Variants in TRHDE observed in about 807,000 individuals in gnomAD.
The protein encoded by TRHDE is thyrotropin-releasing hormone-degrading ectoenzyme.
Under a neutral mutation model 125.7 loss-of-function variants are expected in TRHDE, and 72 were observed. That is an observed-to-expected ratio of 0.57 (90% CI 0.47 to 0.70). The LOEUF (loss-of-function observed/expected upper bound fraction) is 0.70, where lower values mean the gene tolerates loss of function less well. Among genes scored for constraint, TRHDE ranks in the 30% least tolerant of loss-of-function variants. The pLI is 0.00. For missense variants in TRHDE, 1,110 were observed against 1,327.1 expected (o/e 0.84, Z 2.54); for synonymous variants, 509 against 509.1 (o/e 1.00, Z 0.00).
intron 2 of TRHDE, among the ~76,000 whole-genome samples, chr12:72,251,405 AC>A (rs914524157): frequency 1.5e-5 from 2 of 136,020 alleles, no homozygotes; most frequent in African/African-American, 5.4e-5. Flanking sequence ...AGAGTATATA[AC>A]CTTTTGGAAT....
At chr12:72,464,690 C>T (rs940772165) in intron 3 of TRHDE, among the ~76,000 whole-genome samples, 6 of 152,138 alleles carry the variant, frequency 3.9e-5, no homozygotes, top group Non-Finnish European at 5.9e-5. Flanking sequence ...CATGGATATT[C>T]TGTTATTATA....
intron 2 of TRHDE, among the ~76,000 whole-genome samples, chr12:72,337,160 T>C (rs943753536): frequency 4.6e-5 from 7 of 152,316 alleles, no homozygotes; most frequent in African/African-American, 1.7e-4. Flanking sequence ...ACTTCGCTGC[T>C]TGAGTTTTAG....
intron 2 of TRHDE, among the ~76,000 whole-genome samples, chr12:72,146,344 A>G (rs1394401900): frequency 2.0e-5 from 3 of 152,198 alleles, no homozygotes; most frequent in Non-Finnish European, 4.4e-5. Flanking sequence ...TTTTTCCCCA[A>G]GTATGTAATG....
At chr12:72,451,053 G>C (rs1875545686) in intron 3 of TRHDE, among the ~76,000 whole-genome samples, 1 of 152,052 alleles carries the variant, frequency 6.6e-6, no homozygotes, top group Non-Finnish European at 1.5e-5. Context: ...CAGGTATATA[G>C]TTTGCAAATA....
intron 6 of TRHDE, among the ~76,000 whole-genome samples, chr12:72,515,856 A>G (rs575742342): frequency 6.6e-6 from 1 of 151,072 alleles, no homozygotes; most frequent in East Asian, 1.9e-4. Context: ...AGCTTTCTAC[A>G]TATGGCTAGC....
intron 2 of TRHDE, among the ~76,000 whole-genome samples, chr12:72,318,769 A>G (rs1443871520): frequency 1.3e-5 from 2 of 152,018 alleles, no homozygotes; most frequent in Non-Finnish European, 2.9e-5. Context: ...TTTCAGAGTT[A>G]TGAGGAATAT....
chr12:72,651,878 A>G (rs1874520227), intron 15 of TRHDE, among the ~76,000 whole-genome samples: 1 of 151,992 alleles, frequency 6.6e-6, no homozygotes, highest in African/African-American at 2.4e-5. Flanking sequence ...AGAGAAAGTT[A>G]TCTAAGAATT....
intron 1 of TRHDE, among the ~76,000 whole-genome samples, chr12:72,284,174 A>G (rs1879795373): frequency 1.3e-5 from 2 of 152,128 alleles, no homozygotes; most frequent in Admixed American, 1.3e-4. Flanking sequence ...CAAATATTCC[A>G]AAATCTAAAA....
intron 2 of TRHDE, among the ~76,000 whole-genome samples, chr12:72,303,586 A>G (rs1028587943): frequency 2.0e-5 from 3 of 152,120 alleles, no homozygotes; most frequent in Non-Finnish European, 4.4e-5. Flanking sequence ...GCTCAGCTTT[A>G]AGGGTATATT....
At chr12:72,456,128 TACACACACACACAC>T (rs58045175) in intron 3 of TRHDE, among the ~76,000 whole-genome samples, 8,884 of 134,782 alleles carry the variant, frequency 0.066, 752 homozygotes, top group African/African-American at 0.2. Flanking sequence ...AATATGTAAT[TACACACACACACAC>T]ACACACACAC....
At chr12:72,317,955 G>C (rs2034971557) in intron 2 of TRHDE, among the ~76,000 whole-genome samples, 1 of 152,064 alleles carries the variant, frequency 6.6e-6, no homozygotes, top group Non-Finnish European at 1.5e-5. Context: ...TGGGGGAGTG[G>C]GTTTTCCTTC....
intron 2 of TRHDE, among the ~76,000 whole-genome samples, chr12:72,332,743 C>T (rs1350639210): frequency 6.6e-6 from 1 of 152,186 alleles, no homozygotes; most frequent in Non-Finnish European, 1.5e-5. Context: ...AGGACAGAGA[C>T]ACTGCTCTCA....
chr12:72,443,804 G>C (rs962178175), intron 3 of TRHDE, among the ~76,000 whole-genome samples: 1 of 151,760 alleles, frequency 6.6e-6, no homozygotes, highest in Non-Finnish European at 1.5e-5. Flanking sequence ...TATAGAAAGA[G>C]CGTGGATTCC....
chr12:72,603,586 G>A (rs915063322), intron 12 of TRHDE, among the ~76,000 whole-genome samples: 5 of 152,058 alleles, frequency 3.3e-5, no homozygotes, highest in East Asian at 1.9e-4. Flanking sequence ...TTAGCCGGGC[G>A]TGGTGGCAGG....
At position 72,590,110 on chromosome 12, in the gene TRHDE, A is replaced by G. The variant is rs185595922; in HGVS notation, c.2321+14568A>G. The stretch of plus-strand genomic sequence containing the variant: ...AGTTTAAAATATTTTCTAATTTCCT[A>G]TGTGATTTCTTCTTGAGAAAAATGA... On this transcript the variant is annotated intron_variant, in intron 12 of 18. Transcript: ENST00000261180. Among the ~76,000 whole-genome samples the G allele has an allele frequency of 5.9e-5, 9 of 151,992 alleles. No homozygotes were observed. The East Asian group carries it at 1.4e-3, about 23-fold the overall frequency.
At chr12:72,149,474 A>T (rs1416133072) in intron 2 of TRHDE, among the ~76,000 whole-genome samples, 1 of 152,146 alleles carries the variant, frequency 6.6e-6, no homozygotes, top group Non-Finnish European at 1.5e-5. Flanking sequence ...GTTTTAAAAA[A>T]TTTCACTAGT....
Position 72,410,185 on chromosome 12 carries a change from A to G in TRHDE, c.1315+32064A>G, listed in dbSNP as rs76603302. Among the ~76,000 whole-genome samples, 75 of 152,076 alleles carry G rather than the reference A, an allele frequency of 4.9e-4. No homozygotes were observed. In the East Asian group the frequency reaches 0.014, roughly 28 times the overall value. On this transcript the variant is annotated intron_variant, in intron 3 of 18. Coordinates refer to ENST00000261180, the MANE Select transcript of TRHDE (RefSeq NM_013381.3). The stretch of plus-strand genomic sequence containing the variant: ...GTAAAATGAACAAATTCCTAGAAAA[A>G]CAAACTTACTAATGTTGACAAACAA...
At chr12:72,569,576 A>G (rs1226884688) in intron 10 of TRHDE, among the ~76,000 whole-genome samples, 1 of 152,222 alleles carries the variant, frequency 6.6e-6, no homozygotes, top group Non-Finnish European at 1.5e-5. Context: ...CTCAAAATAC[A>G]TATATGTATA....
intron 2 of TRHDE, among the ~76,000 whole-genome samples, chr12:72,146,662 G>A (rs1566245546): frequency 6.6e-6 from 1 of 152,170 alleles, no homozygotes; most frequent in East Asian, 1.9e-4. Context: ...CCTGCTCCAC[G>A]GTAGTGTCTA....
Sources: allele counts gnomAD v4.1 joint callset (sites outside exome capture counted in the v4.1 genomes callset), GRCh38; gene constraint gnomAD v4.1.1; transcripts MANE v1.5; gene names NCBI Gene and HGNC (gene_info 2026-07-23, HGNC 2026-07-21).